Variants in CNTN5 observed in about 807,000 individuals in gnomAD.
The protein encoded by CNTN5 is contactin-5.
A neutral mutation model predicts 129.1 loss-of-function variants in CNTN5; 77 were observed. The ratio of observed to expected loss-of-function variants is 0.60; its 90% CI spans 0.50 to 0.72. CNTN5 has a LOEUF of 0.72. Ranked by LOEUF, CNTN5 falls within the 30% of genes least tolerant of loss-of-function variation. The pLI is 0.00. For synonymous variants in CNTN5, 509 were observed against 465.6 expected, an observed-to-expected ratio of 1.09 and a Z score of -1.20; for missense variants, 1,478 against 1,328.8, an observed-to-expected ratio of 1.11 and a Z score of -1.75.
intron 1 of CNTN5, among the ~76,000 whole-genome samples, chr11:99,285,683 A>G (rs1863906361): frequency 6.6e-6 from 1 of 152,132 alleles, no homozygotes; most frequent in South Asian, 2.1e-4. Context: ...CAAGGATGAT[A>G]TGCCACAGAA....
intron 2 of CNTN5, among the ~76,000 whole-genome samples, chr11:99,473,911 C>T (rs1591122587): frequency 6.6e-6 from 1 of 151,998 alleles, no homozygotes; most frequent in African/African-American, 2.4e-5. Flanking sequence ...GCCACACTGG[C>T]TAGAGTGTCA....
At chr11:99,648,899 A>G (rs1419417800) in intron 3 of CNTN5, among the ~76,000 whole-genome samples, 1 of 151,744 alleles carries the variant, frequency 6.6e-6, no homozygotes, top group Non-Finnish European at 1.5e-5. Context: ...GAAGTTGAGA[A>G]TGGTAGGAAG....
chr11:100,311,574 T>C (rs1951474556), intron 21 of CNTN5, among the ~76,000 whole-genome samples: 2 of 151,974 alleles, frequency 1.3e-5, no homozygotes, highest in South Asian at 4.1e-4. Context: ...AATTGAGCTC[T>C]GGGGTGGCCC....
At position 99,722,879 on chromosome 11, in the gene CNTN5, C is replaced by T. The variant is rs138745945; in HGVS notation, c.56-96665C>T. ...ATACATAATGTATACCTCAACTCTC[C>T]GGGAATCCCAGTCGTGTCATCAATC... On this transcript the variant is annotated intron_variant, in intron 3 of 24. Coordinates refer to ENST00000524871, the MANE Select transcript of CNTN5 (RefSeq NM_014361.4). Among the ~76,000 whole-genome samples the T allele has an allele frequency of 9.3e-3, 1,415 of 152,040 alleles. 21 individuals are homozygous for T. The highest frequency in any genetic ancestry group is 0.031 in the African/African-American group (1,300 of 41,490).
intron 7 of CNTN5, among the ~76,000 whole-genome samples, chr11:99,920,442 A>G (rs894431310): frequency 4.6e-4 from 70 of 152,186 alleles, no homozygotes; most frequent in African/African-American, 1.7e-3. Flanking sequence ...GCTTGTATGT[A>G]TATCCAACTG....
intron 2 of CNTN5, among the ~76,000 whole-genome samples, chr11:99,395,659 G>A (rs556939033): frequency 5.9e-5 from 9 of 151,810 alleles, no homozygotes; most frequent in African/African-American, 2.2e-4. Context: ...GTCTTCCAGG[G>A]TTTTTATAGC....
chr11:99,582,401 G>A (rs1198979630), intron 3 of CNTN5, among the ~76,000 whole-genome samples: 1 of 152,178 alleles, frequency 6.6e-6, no homozygotes, highest in Non-Finnish European at 1.5e-5. Context: ...AGTTCTCCTG[G>A]ATAATATCCT....
At chr11:99,320,526 G>A (rs191799387) in intron 1 of CNTN5, among the ~76,000 whole-genome samples, 1 of 152,052 alleles carries the variant, frequency 6.6e-6, no homozygotes, top group East Asian at 1.9e-4. Flanking sequence ...GAAGTGTTTA[G>A]GAATTAAAGA....
At chr11:99,667,062 G>A (rs1412147523) in intron 3 of CNTN5, among the ~76,000 whole-genome samples, 1 of 151,750 alleles carries the variant, frequency 6.6e-6, no homozygotes, top group African/African-American at 2.4e-5. Context: ...ATGCTATTAG[G>A]ATGTGACACA....
chr11:100,035,741 ATG>A (rs1201606354), intron 9 of CNTN5, among the ~76,000 whole-genome samples: 1 of 150,128 alleles, frequency 6.7e-6, no homozygotes, highest in African/African-American at 2.5e-5. Flanking sequence ...GCATTTTTTC[ATG>A]TGTTTTTTGG....
intron 1 of CNTN5, among the ~76,000 whole-genome samples, chr11:99,187,142 C>T (rs1858395575): frequency 6.6e-6 from 1 of 151,740 alleles, no homozygotes; most frequent in African/African-American, 2.4e-5. Flanking sequence ...GTGATAAATC[C>T]AGCATTTTGA....
At chr11:100,098,023 G>A (rs1238348427) in intron 13 of CNTN5, among the ~76,000 whole-genome samples, 1 of 151,896 alleles carries the variant, frequency 6.6e-6, no homozygotes, top group East Asian at 1.9e-4. Context: ...TTACCAAGAT[G>A]AGCTAGGTAA....
At chr11:99,183,990 A>T (rs2135572792) in intron 1 of CNTN5, among the ~76,000 whole-genome samples, 1 of 152,190 alleles carries the variant, frequency 6.6e-6, no homozygotes, top group African/African-American at 2.4e-5. Context: ...AATTTTACTT[A>T]TCTGATATTT....
chr11:100,090,200 C>G, intron 13 of CNTN5, among the ~76,000 whole-genome samples: 1 of 151,964 alleles, frequency 6.6e-6, no homozygotes, highest in East Asian at 1.9e-4. Flanking sequence ...GAACATATCT[C>G]AAAACAATAA....
At chr11:99,136,924 A>C (rs1050779937) in intron 1 of CNTN5, among the ~76,000 whole-genome samples, 1 of 152,148 alleles carries the variant, frequency 6.6e-6, no homozygotes, top group Non-Finnish European at 1.5e-5. Context: ...GGAAAACATA[A>C]TTTATGTTTA....
At chr11:99,972,864 T>C (rs1417019998) in intron 8 of CNTN5, among the ~76,000 whole-genome samples, 1 of 152,188 alleles carries the variant, frequency 6.6e-6, no homozygotes, top group East Asian at 1.9e-4. Flanking sequence ...ATCTGCATTT[T>C]CCACAGTACT....
intron 6 of CNTN5, among the ~76,000 whole-genome samples, chr11:99,871,594 A>G (rs553603169): frequency 2.0e-4 from 30 of 152,200 alleles, no homozygotes; most frequent in Non-Finnish European, 4.0e-4. Flanking sequence ...CGTGATTTAT[A>G]TACATTTATG....
At chr11:99,235,436 A>G (rs1861215580) in intron 1 of CNTN5, among the ~76,000 whole-genome samples, 1 of 152,128 alleles carries the variant, frequency 6.6e-6, no homozygotes, top group South Asian at 2.1e-4. Flanking sequence ...TATGAGATAC[A>G]TAGTTTAGCA....
chr11:100,048,534 A>C (rs184506077), intron 9 of CNTN5, among the ~76,000 whole-genome samples: 22 of 152,260 alleles, frequency 1.4e-4, no homozygotes, highest in Non-Finnish European at 2.8e-4. Context: ...AGAGAAATAG[A>C]AGTTATCTTT....
Sources: allele counts gnomAD v4.1 joint callset (sites outside exome capture counted in the v4.1 genomes callset), GRCh38; gene constraint gnomAD v4.1.1; transcripts MANE v1.5; gene names NCBI Gene and HGNC (gene_info 2026-07-23, HGNC 2026-07-21).